PTPRG: variants seen among roughly 807,000 people sequenced by gnomAD.
PTPRG encodes the protein protein tyrosine phosphatase receptor type G, also known as receptor-type tyrosine-protein phosphatase gamma.
In PTPRG, 102 loss-of-function variants were observed where a neutral mutation model predicts 165.3. The observed-to-expected ratio is 0.62, with a 90% CI of 0.53 to 0.73. The LOEUF (loss-of-function observed/expected upper bound fraction) is 0.73. Ranked by LOEUF, PTPRG falls within the 30% of genes least tolerant of loss-of-function variation. The pLI is 0.00. For missense variants in PTPRG, 1,866 were observed against 1,861.4 expected (o/e 1.00, Z -0.05); for synonymous variants, 675 against 669.5 (o/e 1.01, Z -0.13).
chr3:61,773,889 C>T (rs1479177208), intron 2 of PTPRG, among the ~76,000 whole-genome samples: 1 of 152,048 alleles, frequency 6.6e-6, no homozygotes, highest in African/African-American at 2.4e-5. Flanking sequence ...ATTCTCCTGC[C>T]TCAGCCTCCC....
At chr3:62,159,186 C>T (rs901463862) in intron 7 of PTPRG, among the ~76,000 whole-genome samples, 1 of 151,922 alleles carries the variant, frequency 6.6e-6, no homozygotes, top group African/African-American at 2.4e-5. Context: ...AAAAATTATC[C>T]AGGCGTGGTG....
chr3:61,716,555 C>CT (rs150174121), intron 1 of PTPRG, among the ~76,000 whole-genome samples: 1 of 152,104 alleles, frequency 6.6e-6, no homozygotes, highest in African/African-American at 2.4e-5. Flanking sequence ...ATTGCGTACT[C>CT]TTTTTTTCTC....
chr3:61,871,110 G>A (rs1256067705), intron 2 of PTPRG, among the ~76,000 whole-genome samples: 2 of 98,662 alleles, frequency 2.0e-5, no homozygotes, highest in African/African-American at 1.0e-4. Context: ...TACATTCCCT[G>A]TTATGTTATG....
At chr3:61,795,841 G>A (rs1271765328) in intron 2 of PTPRG, among the ~76,000 whole-genome samples, 1 of 151,970 alleles carries the variant, frequency 6.6e-6, no homozygotes, top group Non-Finnish European at 1.5e-5. Context: ...TTACAAAGTG[G>A]CCTTTGCATA....
chr3:62,111,260 G>A lies in PTPRG; in HGVS notation c.616-21342G>A, dbSNP rs1307530547. Among the ~76,000 whole-genome samples, 8 of 152,318 alleles carry A rather than the reference G, an allele frequency of 5.3e-5. No individual in the cohort carries two copies. In the South Asian group the frequency reaches 1.7e-3, roughly 32 times the overall value. ...AGCTCGGAAACTGTTGGTGAACGTG[G>A]TATTCTGGAATCCACGAGGCCAGCC... On this transcript the variant is annotated intron_variant, in intron 5 of 29. Transcript: ENST00000474889.
chr3:62,221,568 A>G (rs896119155), intron 13 of PTPRG, among the ~76,000 whole-genome samples: 5 of 152,230 alleles, frequency 3.3e-5, no homozygotes, highest in Non-Finnish European at 7.3e-5. Flanking sequence ...CCCTTTGGCA[A>G]TGCAGTTTTT....
chr3:61,822,403 A>G (rs1302918040), intron 2 of PTPRG, among the ~76,000 whole-genome samples: 1 of 152,192 alleles, frequency 6.6e-6, no homozygotes, highest in Non-Finnish European at 1.5e-5. Flanking sequence ...TATTTCTTTA[A>G]TGAGGACTAA....
intron 2 of PTPRG, among the ~76,000 whole-genome samples, chr3:61,792,004 A>C (rs1482233276): frequency 6.6e-6 from 1 of 152,106 alleles, no homozygotes; most frequent in Non-Finnish European, 1.5e-5. Context: ...CTTCCTGTAG[A>C]ATCTTTAGTT....
At chr3:62,144,541 T>G (rs906566620) in intron 6 of PTPRG, among the ~76,000 whole-genome samples, 14 of 152,246 alleles carry the variant, frequency 9.2e-5, no homozygotes, top group Non-Finnish European at 1.5e-5. Flanking sequence ...AAGTTTGTGT[T>G]TCCAGCATTT....
At chr3:61,947,276 T>A (rs994564723) in intron 2 of PTPRG, among the ~76,000 whole-genome samples, 48 of 152,208 alleles carry the variant, frequency 3.2e-4, no homozygotes, top group African/African-American at 1.2e-3. Context: ...AAAAGACTTG[T>A]TTAAAAATTG....
At chr3:61,638,868 G>C (rs183968542) in intron 1 of PTPRG, among the ~76,000 whole-genome samples, 2 of 152,120 alleles carry the variant, frequency 1.3e-5, no homozygotes, top group African/African-American at 4.8e-5. Context: ...AAGGTTGTCT[G>C]TTTACTCTGC....
intron 5 of PTPRG, among the ~76,000 whole-genome samples, chr3:62,090,936 C>G (rs1203722486): frequency 6.6e-6 from 1 of 152,184 alleles, no homozygotes; most frequent in Non-Finnish European, 1.5e-5. Context: ...CCACTTCAAT[C>G]CCTTTGTCCA....
rs1162324281 is a variant in PTPRG, at chr3:62,263,038, C to T, written c.2656+144C>T. On this transcript the variant is annotated intron_variant, in intron 17 of 29. Transcript: ENST00000474889. ...TAACCTCTCATTAGCCCATCTTCAA[C>T]AGTGTAGAAGTTGGGACATTTTCTT... 1.2e-5 allele frequency: 8 copies of T among 640,420 alleles called. No individual in the cohort carries two copies. In the East Asian group the frequency reaches 2.3e-4, roughly 18 times the overall value. The allele number at this position is 640,420 out of a possible 1,614,324, so 39.7% of individuals were successfully genotyped here.
intron 9 of PTPRG, among the ~76,000 whole-genome samples, 161 bp from the exon 10 acceptor site, chr3:62,194,901 G>C (rs1576121052): frequency 6.6e-6 from 1 of 152,220 alleles, no homozygotes; most frequent in South Asian, 2.1e-4. Context: ...TAGATTCCCA[G>C]GCAGGGTCCA....
chr3:61,695,572 C>T (rs763112454), intron 1 of PTPRG, among the ~76,000 whole-genome samples: 4 of 152,216 alleles, frequency 2.6e-5, no homozygotes, highest in Non-Finnish European at 5.9e-5. Context: ...GGTCCAACTT[C>T]ATACACCTCG....
chr3:62,002,941 T>G (rs925546808), intron 3 of PTPRG, among the ~76,000 whole-genome samples: 2 of 152,208 alleles, frequency 1.3e-5, no homozygotes, highest in Non-Finnish European at 2.9e-5. Context: ...TTTCCTCTCT[T>G]GTTCCAGACC....
intron 2 of PTPRG, among the ~76,000 whole-genome samples, chr3:61,823,599 T>A (rs1052993429): frequency 4.0e-5 from 6 of 151,832 alleles, no homozygotes; most frequent in Non-Finnish European, 8.8e-5. Context: ...GAATAGATGT[T>A]AATGTAACAA....
intron 2 of PTPRG, among the ~76,000 whole-genome samples, chr3:61,796,037 A>G (rs1157768806): frequency 1.3e-5 from 2 of 152,298 alleles, no homozygotes; most frequent in African/African-American, 2.4e-5. Context: ...CAGGCCCTCA[A>G]GTTGAAAGTG....
chr3:62,102,093 G>C (rs896351112), intron 5 of PTPRG, among the ~76,000 whole-genome samples: 1 of 151,914 alleles, frequency 6.6e-6, no homozygotes, highest in Non-Finnish European at 1.5e-5. Context: ...GTAATATTTT[G>C]GTAGCAGGAT....
Sources: gnomAD v4.1 joint callset for allele counts (sites outside exome capture counted in the v4.1 genomes callset) on GRCh38, gnomAD v4.1.1 for gene constraint, MANE v1.5 for transcripts, NCBI Gene and HGNC (gene_info 2026-07-23, HGNC 2026-07-21) for gene names.